DNAH3: variants seen among roughly 807,000 people sequenced by gnomAD.
The protein encoded by DNAH3 is dynein axonemal heavy chain 3, also known as axonemal beta dynein heavy chain 3.
In DNAH3, 332 loss-of-function variants were observed where a neutral mutation model predicts 432.5. The observed-to-expected ratio is 0.77, with a 90% CI of 0.70 to 0.84. The LOEUF (loss-of-function observed/expected upper bound fraction) is 0.84, where lower values mean the gene tolerates loss of function less well. DNAH3 is among the 40% of genes least tolerant of loss of function. The pLI, the probability that DNAH3 is intolerant of heterozygous loss-of-function variation, is 0.00. For missense variants in DNAH3, 4,861 were observed against 5,114.0 expected, an observed-to-expected ratio of 0.95 and a Z score of 1.51; for synonymous variants, 1,956 against 1,900.2, an observed-to-expected ratio of 1.03 and a Z score of -0.76.
chr16:21,071,648 G>A (rs1402409279), intron 21 of DNAH3, among the ~76,000 whole-genome samples: 1 of 152,070 alleles, frequency 6.6e-6, no homozygotes, highest in African/African-American at 2.4e-5. Flanking sequence ...AGCACTTTGG[G>A]AGGCTGAGGT....
exon 10 of DNAH3, chr16:21,122,079 T>G: frequency 1.9e-6 from 3 of 1,613,604 alleles, no homozygotes; most frequent in Non-Finnish European, 2.5e-6. Flanking sequence ...AGCTGAGGTA[T>G]GAAAAACTTC....
intron 5 of DNAH3, 54 bp from the exon 7 acceptor site, chr16:21,136,567 A>AGG: frequency 6.5e-7 from 1 of 1,539,800 alleles, no homozygotes; most frequent in Non-Finnish European, 9.0e-7. Context: ...TCATGGGTTC[A>AGG]ACTGTCCTGC....
chr16:21,065,818 T>C (rs1052046139), intron 24 of DNAH3, among the ~76,000 whole-genome samples: 1 of 144,556 alleles, frequency 6.9e-6, no homozygotes, highest in Non-Finnish European at 1.5e-5. Context: ...AAGATACTTC[T>C]GAGTTTGTTT....
chr16:20,982,932 G>A (rs1172882356), intron 48 of DNAH3, 46 bp from the exon 49 acceptor site: 2 of 1,607,436 alleles, frequency 1.2e-6, no homozygotes, highest in African/African-American at 1.3e-5. Context: ...CAAGGCAGGT[G>A]GACCCAAGGA....
At chr16:21,125,435 G>GCC (rs1446179704) in intron 8 of DNAH3, 65 bp from the exon 10 acceptor site, 9 of 1,381,222 alleles carry the variant, frequency 6.5e-6, no homozygotes, top group African/African-American at 4.4e-5. Context: ...CACTTGCCGT[G>GCC]CCCCCTGAGC....
At chr16:21,055,414 A>G (rs2090097992) in intron 27 of DNAH3, among the ~76,000 whole-genome samples, 1 of 152,116 alleles carries the variant, frequency 6.6e-6, no homozygotes, top group Non-Finnish European at 1.5e-5. Context: ...AGGTCTATAG[A>G]GTAGAGAATA....
At position 21,131,283 on chromosome 16, in the gene DNAH3, G is replaced by A. The variant is rs371343435; in HGVS notation, c.1082+2976C>T. Among the ~76,000 whole-genome samples, 21 of 152,014 alleles carry A rather than the reference G, an allele frequency of 1.4e-4. 1 individual carries two copies. The South Asian group carries it at 3.9e-3, about 29-fold the overall frequency. On this transcript the variant is annotated intron_variant, in intron 7 of 61. Coordinates refer to ENST00000261383, the Ensembl canonical transcript of DNAH3. ...TGAGGCTGCAGTGAACTCTAATCAT[G>A]CCACTGCACCACACCCTGGGTGACA...
intron 41 of DNAH3, chr16:21,019,107 T>G (rs1394808734): frequency 6.6e-6 from 1 of 150,468 alleles, no homozygotes; most frequent in Admixed American, 6.6e-5. Flanking sequence ...TGGTTAAGTA[T>G]CCCATAAAAC....
At chr16:20,973,100 G>A (rs917698065) in intron 51 of DNAH3, among the ~76,000 whole-genome samples, 2 of 152,112 alleles carry the variant, frequency 1.3e-5, no homozygotes, top group South Asian at 2.1e-4. Context: ...GAATGGTTGA[G>A]AGAATTTTCT....
At chr16:21,045,039 G>A (rs971076307) in intron 31 of DNAH3, among the ~76,000 whole-genome samples, 1 of 152,144 alleles carries the variant, frequency 6.6e-6, no homozygotes, top group Non-Finnish European at 1.5e-5. Flanking sequence ...TGATCAGGGT[G>A]GATAAGCTTT....
chr16:21,067,757 T>TG (rs35833656), intron 23 of DNAH3, among the ~76,000 whole-genome samples: 9,215 of 29,708 alleles, frequency 0.31, 1,287 homozygotes, highest in East Asian at 0.41. Context: ...AAGCCAGTCT[T>TG]GGGGGGGGGG....
chr16:21,106,613 C>T lies in DNAH3; in HGVS notation c.2161G>A (p.Glu721Lys), dbSNP rs2091952564. 1.9e-6 allele frequency: 3 copies of T among 1,609,838 alleles called. No individual in the cohort carries two copies. Among genetic ancestry groups the T allele is most frequent in the Admixed American group, 1.7e-5 (1 of 59,952 alleles). Reference sequence around the variant, plus strand: ...AGGAATTCAATGAGGGATACCAGCTCCTTAGTGTTGGCAGGAACCTCACTG... The same window carrying T: ...AGGAATTCAATGAGGGATACCAGCTTCTTAGTGTTGGCAGGAACCTCACTG... The change falls in exon 15 of 62, where the codon GAG (glutamate) becomes AAG (lysine). Residue 721 changes from glutamate to lysine, a missense_variant. By Grantham distance (56) the Glu-to-Lys change is moderately conservative. Coordinates refer to ENST00000261383, the Ensembl canonical transcript of DNAH3.
chr16:20,963,184 G>T, intron 53 of DNAH3, 100 bp downstream of exon 53: 1 of 1,207,028 alleles, frequency 8.3e-7, no homozygotes, highest in Non-Finnish European at 1.2e-6. Context: ...GGCCTTCAAA[G>T]CCATCTGAAC....
At chr16:21,040,514 C>T (rs2089396995) in intron 32 of DNAH3, among the ~76,000 whole-genome samples, 1 of 151,652 alleles carries the variant, frequency 6.6e-6, no homozygotes, top group Middle Eastern at 3.4e-3. Context: ...TACAGGTGCC[C>T]AACACCAGGC....
At position 21,022,811 on chromosome 16, in the gene DNAH3, C is replaced by T. The variant is rs1477909585; in HGVS notation, c.5647-711G>A. ...CAAGGCTGGAGTGCAATGGTGTGAT[C>T]TCAGCTCACTACAACCTCCGCCCCC... On this transcript the variant is annotated intron_variant, in intron 39 of 61. Transcript: ENST00000261383. Among the ~76,000 whole-genome samples, 4 of 149,300 alleles carry T rather than the reference C, an allele frequency of 2.7e-5. No homozygotes were observed. In the Admixed American group the frequency reaches 2.7e-4, roughly 10 times the overall value.
chr16:21,033,811 C>G (rs958865518), intron 36 of DNAH3, among the ~76,000 whole-genome samples, 163 bp downstream of exon 36: 2 of 152,086 alleles, frequency 1.3e-5, no homozygotes, highest in African/African-American at 4.8e-5. Context: ...CGCCCCCAAC[C>G]CTTTATTTTC....
chr16:20,944,766 A>C, intron 57 of DNAH3, 103 bp from the exon 58 acceptor site: 1 of 1,043,126 alleles, frequency 9.6e-7, no homozygotes, highest in Admixed American at 2.0e-5. Flanking sequence ...ATACTGTATC[A>C]GTAGCACAGG....
At chr16:21,120,804 C>A (rs774430592) in exon 11 of DNAH3, 2 of 1,614,122 alleles carry the variant, frequency 1.2e-6, no homozygotes, top group Admixed American at 1.7e-5. Context: ...TCACACATTG[C>A]CGATCAGCAG....
chr16:21,153,507 G>A (rs953455605), intron 1 of DNAH3, among the ~76,000 whole-genome samples: 2 of 152,154 alleles, frequency 1.3e-5, no homozygotes, highest in Non-Finnish European at 2.9e-5. Flanking sequence ...TGTGGGTGGG[G>A]CCAGATAAGA....
Sources: allele counts gnomAD v4.1 joint callset (sites outside exome capture counted in the v4.1 genomes callset), GRCh38; gene constraint gnomAD v4.1.1; transcripts MANE v1.5; gene names NCBI Gene and HGNC (gene_info 2026-07-23, HGNC 2026-07-21).